Variants in SLC9A9 observed in about 807,000 individuals in gnomAD.
The protein encoded by SLC9A9 is solute carrier family 9 member A9.
Under a neutral mutation model 77.8 loss-of-function variants are expected in SLC9A9, and 62 were observed. That is an observed-to-expected ratio of 0.80 (90% CI 0.65 to 0.98). The LOEUF (loss-of-function observed/expected upper bound fraction) is 0.98. SLC9A9 is among the 50% of genes least tolerant of loss of function. The pLI is 0.00. For synonymous variants in SLC9A9, 320 were observed against 283.5 expected, an observed-to-expected ratio of 1.13 and a Z score of -1.29; for missense variants, 775 against 774.9, an observed-to-expected ratio of 1.00 and a Z score of 0.00.
At chr3:143,793,866 G>T (rs1000925537) in intron 4 of SLC9A9, among the ~76,000 whole-genome samples, 14 of 152,136 alleles carry the variant, frequency 9.2e-5, no homozygotes, top group Non-Finnish European at 2.1e-4. Context: ...CTTTAAGAAG[G>T]ATCAAGTACC....
chr3:143,390,163 C>G (rs1048978140), intron 12 of SLC9A9, among the ~76,000 whole-genome samples: 1 of 152,234 alleles, frequency 6.6e-6, no homozygotes, highest in East Asian at 1.9e-4. Context: ...ATGCCATTTA[C>G]TTTTCTCCTA....
At chr3:143,271,776 G>C (rs1937906943) in intron 14 of SLC9A9, among the ~76,000 whole-genome samples, 1 of 152,204 alleles carries the variant, frequency 6.6e-6, no homozygotes, top group Non-Finnish European at 1.5e-5. Context: ...CATTTTGCCT[G>C]TCCTGGTATC....
At chr3:143,837,860 A>T (rs1233298820) in intron 1 of SLC9A9, among the ~76,000 whole-genome samples, 2 of 152,172 alleles carry the variant, frequency 1.3e-5, no homozygotes, top group Non-Finnish European at 2.9e-5. Flanking sequence ...CAGCATATTA[A>T]TGGGCCCGGT....
intron 13 of SLC9A9, among the ~76,000 whole-genome samples, chr3:143,366,522 G>GT (rs1436832304): frequency 6.6e-6 from 1 of 152,190 alleles, no homozygotes; most frequent in Non-Finnish European, 1.5e-5. Context: ...TTGGGCTGCA[G>GT]TTTCCTTGTC....
intron 14 of SLC9A9, among the ~76,000 whole-genome samples, chr3:143,340,936 T>G (rs535239654): frequency 2.0e-5 from 3 of 152,334 alleles, no homozygotes; most frequent in African/African-American, 7.2e-5. Flanking sequence ...CTTCCACATA[T>G]TTTCTGCATT....
At chr3:143,566,525 A>G (rs777303739) in intron 8 of SLC9A9, among the ~76,000 whole-genome samples, 1 of 152,042 alleles carries the variant, frequency 6.6e-6, no homozygotes, top group Non-Finnish European at 1.5e-5. Flanking sequence ...GCCCAGCCCC[A>G]TTACTTAATA....
intron 6 of SLC9A9, among the ~76,000 whole-genome samples, chr3:143,604,925 C>G (rs964906924): frequency 6.6e-6 from 1 of 152,088 alleles, no homozygotes; most frequent in Admixed American, 6.5e-5. Context: ...CAATGAGGGC[C>G]CCTCCGGTTG....
intron 9 of SLC9A9, among the ~76,000 whole-genome samples, chr3:143,542,849 T>C (rs941826939): frequency 6.6e-6 from 1 of 152,212 alleles, no homozygotes; most frequent in African/African-American, 2.4e-5. Context: ...TAAATTTCCA[T>C]AAACTTTTCA....
intron 4 of SLC9A9, among the ~76,000 whole-genome samples, chr3:143,725,708 G>A (rs1934632381): frequency 7.1e-6 from 1 of 140,274 alleles, no homozygotes; most frequent in African/African-American, 2.7e-5. Flanking sequence ...GACACAGGAA[G>A]GGGAACGTCA....
chr3:143,684,322 T>C (rs1933193243), intron 5 of SLC9A9, among the ~76,000 whole-genome samples: 1 of 152,066 alleles, frequency 6.6e-6, no homozygotes, highest in Non-Finnish European at 1.5e-5. Context: ...GTATTTTGCC[T>C]TGTTTGGTGA....
At chr3:143,365,526 G>A (rs1559884335) in intron 13 of SLC9A9, among the ~76,000 whole-genome samples, 1 of 152,182 alleles carries the variant, frequency 6.6e-6, no homozygotes, top group Non-Finnish European at 1.5e-5. Flanking sequence ...CTTGGCCATG[G>A]AATTCATTCC....
intron 5 of SLC9A9, among the ~76,000 whole-genome samples, chr3:143,654,711 A>G (rs1279979828): frequency 6.6e-6 from 1 of 151,986 alleles, no homozygotes; most frequent in African/African-American, 2.4e-5. Flanking sequence ...GTAGCTGTTC[A>G]TTTGTATCAT....
In SLC9A9 at chr3:143,310,528, C is replaced by CAA. The variant is rs397754793; in HGVS notation, c.1605-41550_1605-41549dup. Among the ~76,000 whole-genome samples the CAA allele has an allele frequency of 1.5e-3, 177 of 115,214 alleles. 1 individual carries two copies. The highest frequency in any genetic ancestry group is 3.2e-3 in the African/African-American group (100 of 31,606). 75.6% of individuals were successfully genotyped at this position (115,214 alleles called of 152,430 possible). On this transcript the variant is annotated intron_variant, in intron 14 of 15. Coordinates refer to ENST00000316549, the MANE Select transcript of SLC9A9 (RefSeq NM_173653.4). ...AAAACAAAACCAGAAAGTCTTCTAT[C>CAA]AAAAAAAAAAAAAAAAGCCCGAATT...
At chr3:143,836,046 C>T (rs923834768) in intron 1 of SLC9A9, among the ~76,000 whole-genome samples, 1 of 152,186 alleles carries the variant, frequency 6.6e-6, no homozygotes, top group Non-Finnish European at 1.5e-5. Flanking sequence ...TGAACCCTGA[C>T]TTCTCTCCAC....
At chr3:143,601,723 T>A (rs62269800) in intron 6 of SLC9A9, among the ~76,000 whole-genome samples, 20,205 of 152,274 alleles carry the variant, frequency 0.13, 1,442 homozygotes, top group African/African-American at 0.15. Context: ...CTATAAAGAA[T>A]CTATTGGAAG....
intron 14 of SLC9A9, among the ~76,000 whole-genome samples, chr3:143,281,586 G>A (rs980113911): frequency 1.1e-4 from 17 of 152,268 alleles, no homozygotes; most frequent in Middle Eastern, 6.8e-3. Context: ...GGACTACACA[G>A]TGTGTGTGAC....
intron 14 of SLC9A9, among the ~76,000 whole-genome samples, chr3:143,309,594 C>G (rs907290139): frequency 1.3e-5 from 2 of 152,110 alleles, no homozygotes; most frequent in Non-Finnish European, 2.9e-5. Flanking sequence ...GATTTCCAGA[C>G]CCTTTCTTCT....
At chr3:143,782,215 G>T (rs949698964) in intron 4 of SLC9A9, among the ~76,000 whole-genome samples, 6 of 152,158 alleles carry the variant, frequency 3.9e-5, no homozygotes, top group African/African-American at 1.2e-4. Context: ...TTAAATGCTG[G>T]TTAAAATTAT....
At position 143,455,720 on chromosome 3, in the gene SLC9A9, T is replaced by G. The variant is rs542007184; in HGVS notation, c.1469+11317A>C. Among the ~76,000 whole-genome samples, 31 of 152,248 alleles carry G rather than the reference T, an allele frequency of 2.0e-4. No homozygotes were observed. In the South Asian group the frequency reaches 6.0e-3, roughly 30 times the overall value. On this transcript the variant is annotated intron_variant, in intron 12 of 15. Transcript: ENST00000316549. Reference sequence around the variant, plus strand: ...TAGTTTCTGTTTCCAATTGCTCATTTCTAGTAGTTAGATATGCACTTGATT... The same window carrying G: ...TAGTTTCTGTTTCCAATTGCTCATTGCTAGTAGTTAGATATGCACTTGATT...
Sources: gnomAD v4.1 joint callset for allele counts (sites outside exome capture counted in the v4.1 genomes callset) on GRCh38, gnomAD v4.1.1 for gene constraint, MANE v1.5 for transcripts, NCBI Gene and HGNC (gene_info 2026-07-23, HGNC 2026-07-21) for gene names.